The following KCNK10 variants were observed in gnomAD, a reference collection of about 807,000 sequenced individuals.
KCNK10 encodes the protein potassium two pore domain channel subfamily K member 10, also known as potassium channel subfamily K member 10.
In KCNK10, 25 loss-of-function variants were observed where a neutral mutation model predicts 47.7. The ratio of observed to expected loss-of-function variants is 0.52; its 90% CI spans 0.38 to 0.73. KCNK10 has a LOEUF of 0.73. KCNK10 is among the 30% of genes least tolerant of loss of function. KCNK10 has a pLI of 0.00. For synonymous variants in KCNK10, 303 were observed against 285.6 expected (o/e 1.06, Z -0.61); for missense variants, 563 against 714.5 (o/e 0.79, Z 2.42).
intron 1 of KCNK10, among the ~76,000 whole-genome samples, chr14:88,269,965 G>C (rs1187736610): frequency 6.6e-6 from 1 of 152,148 alleles, no homozygotes; most frequent in Non-Finnish European, 1.5e-5. Flanking sequence ...GAGTCTCTTG[G>C]AAACCTGAAA....
intron 1 of KCNK10, among the ~76,000 whole-genome samples, chr14:88,283,230 T>G (rs1887688575): frequency 6.6e-6 from 1 of 152,200 alleles, no homozygotes; most frequent in Non-Finnish European, 1.5e-5. Context: ...CTGGGACACA[T>G]TTATGTAAAA....
intron 4 of KCNK10, among the ~76,000 whole-genome samples, chr14:88,198,034 A>G (rs1167513609): frequency 6.6e-6 from 1 of 152,226 alleles, no homozygotes; most frequent in Admixed American, 6.5e-5. Flanking sequence ...AAAGCTTAGT[A>G]CCTAATGACA....
At chr14:88,272,414 G>C (rs561757104) in intron 1 of KCNK10, among the ~76,000 whole-genome samples, 30 of 152,220 alleles carry the variant, frequency 2.0e-4, no homozygotes, top group Non-Finnish European at 3.8e-4. Context: ...GGTGCCCACT[G>C]GTGTGGAAAG....
At chr14:88,273,495 A>T (rs574228940) in intron 1 of KCNK10, among the ~76,000 whole-genome samples, 2 of 152,300 alleles carry the variant, frequency 1.3e-5, no homozygotes, top group Admixed American at 1.3e-4. Context: ...AGCAGGTGGG[A>T]TGCCTTTATT....
chr14:88,253,133 A>G (rs1333862654), intron 2 of KCNK10, among the ~76,000 whole-genome samples: 1 of 152,190 alleles, frequency 6.6e-6, no homozygotes, highest in Non-Finnish European at 1.5e-5. Flanking sequence ...GAGAGAGGCA[A>G]ATGAAGCTAA....
chr14:88,249,510 C>T (rs1886735181), intron 2 of KCNK10, among the ~76,000 whole-genome samples: 2 of 152,156 alleles, frequency 1.3e-5, no homozygotes, highest in South Asian at 4.2e-4. Flanking sequence ...TGACTAAGGA[C>T]CTGAGTGCTT....
chr14:88,214,075 G>A (rs1223171737), intron 4 of KCNK10, among the ~76,000 whole-genome samples: 1 of 151,962 alleles, frequency 6.6e-6, no homozygotes, highest in African/African-American at 2.4e-5. Flanking sequence ...AAGTAGCTGG[G>A]ATTACAGGCA....
At chr14:88,287,779 T>C (rs1310381852) in intron 1 of KCNK10, among the ~76,000 whole-genome samples, 1 of 152,004 alleles carries the variant, frequency 6.6e-6, no homozygotes, top group Admixed American at 6.6e-5. Flanking sequence ...TGGTTCCATA[T>C]TTTTGCAATT....
At position 88,185,785 on chromosome 14, in the gene KCNK10, C is replaced by T. The variant is rs1256692147; in HGVS notation, c.1382G>A (p.Arg461Lys). The T allele has an allele frequency of 1.5e-5, 24 of 1,614,100 alleles. No individual in the cohort carries two copies. Among genetic ancestry groups the T allele is most frequent in the Non-Finnish European group, 1.8e-5 (21 of 1,180,016 alleles). The change falls in exon 7 of 7, where the codon AGG (arginine) becomes AAG (lysine). Residue 461 changes from arginine (R) to lysine (K), a missense_variant. By Grantham distance (26) the Arg-to-Lys change is conservative (BLOSUM62 2). Coordinates refer to ENST00000319231, the MANE Select transcript of KCNK10 (RefSeq NM_138317.3). The surrounding 1 kb of genome is among the most constrained non-coding windows in gnomAD (Gnocchi z 4.3). ...GGTCTTTTTGAGGTCCTTGTTTTTC[C>T]TCTTGGTGAGTCTGGAGGTGGACCC... Reference protein sequence around the residue: ...KFGSTSRLTKRKNKDLKKTLP... With the variant: ...KFGSTSRLTKKKNKDLKKTLP...
intron 2 of KCNK10, among the ~76,000 whole-genome samples, chr14:88,250,277 C>A (rs1295734777): frequency 6.6e-6 from 1 of 152,170 alleles, no homozygotes; most frequent in Non-Finnish European, 1.5e-5. Flanking sequence ...ATAATAATGA[C>A]TCGGAGGCCT....
At chr14:88,238,916 G>A (rs1478150136) in intron 3 of KCNK10, among the ~76,000 whole-genome samples, 1 of 152,046 alleles carries the variant, frequency 6.6e-6, no homozygotes, top group Non-Finnish European at 1.5e-5. Flanking sequence ...CAGGGATCTG[G>A]GATGCCTGAA....
At chr14:88,323,412 G>A (rs1437301196), upstream of KCNK10, among the ~76,000 whole-genome samples, 3 of 147,038 alleles carry the variant, frequency 2.0e-5, no homozygotes, top group African/African-American at 7.4e-5. Flanking sequence ...CGGGCAGCGC[G>A]CGGCGAGGGC....
At position 88,232,448 on chromosome 14, in the gene KCNK10, C is replaced by A. The variant is rs546589367; in HGVS notation, c.521-4913G>T. Among the ~76,000 whole-genome samples, 194 of 152,194 alleles carry A rather than the reference C, an allele frequency of 1.3e-3. 1 individual carries two copies. Among genetic ancestry groups the A allele is most frequent in the African/African-American group, 4.6e-3 (191 of 41,532 alleles). The stretch of plus-strand genomic sequence containing the variant: ...GCTCTGAGTTTTCTTATAAACCTTG[C>A]GACCACATGCAACAAATGAATTTAC... On this transcript the variant is annotated intron_variant, in intron 3 of 6. Coordinates refer to ENST00000319231, the MANE Select transcript of KCNK10 (RefSeq NM_138317.3).
At chr14:88,320,988 T>A (rs1462843839) in intron 1 of KCNK10, among the ~76,000 whole-genome samples, 1 of 152,188 alleles carries the variant, frequency 6.6e-6, no homozygotes, top group African/African-American at 2.4e-5. Flanking sequence ...TAAATACATT[T>A]TTCAGGGATT....
chr14:88,235,331 A>G (rs1251723942), intron 3 of KCNK10: 1 of 429,680 alleles, frequency 2.3e-6, no homozygotes, highest in African/African-American at 2.1e-5. Context: ...TAAAACTTCC[A>G]TAAGAAAAAA....
chr14:88,218,397 C>A (rs1478887857), intron 4 of KCNK10, among the ~76,000 whole-genome samples: 1 of 152,182 alleles, frequency 6.6e-6, no homozygotes, highest in Non-Finnish European at 1.5e-5. Context: ...AGATTGTCAT[C>A]ACTTCCATCT....
Position 88,320,262 on chromosome 14 carries a change from A to G in KCNK10, c.52+2485T>C, listed in dbSNP as rs547436845. 4.6e-5 allele frequency among the ~76,000 whole-genome samples: 7 copies of G among 152,334 alleles called. No homozygotes were observed. In the South Asian group the frequency reaches 1.4e-3, roughly 32 times the overall value. On this transcript the variant is annotated intron_variant, in intron 1 of 6. Coordinates refer to ENST00000319231, the MANE Select transcript of KCNK10 (RefSeq NM_138317.3). The stretch of plus-strand genomic sequence containing the variant: ...TTGCTCATTAAATGTTGTTATTTTT[A>G]TTGAGGTTTTTTTCATTTTTAGCAC...
rs1419672124 is a variant in KCNK10, at chr14:88,322,359, G to A, written c.52+388C>T. On this transcript the variant is annotated intron_variant, in intron 1 of 6. Transcript: ENST00000319231. This position sits in a 1 kb window ranked among gnomAD's most constrained non-coding sequence, Gnocchi z 4.8. ...TGCGGCGCAGCTCCAGGTCCAGGGG[G>A]AAGCACCCCACCCATCTGCCAGAGA... Among the ~76,000 whole-genome samples the A allele has an allele frequency of 6.6e-6, 1 of 151,954 alleles. No homozygotes were observed. Among genetic ancestry groups the A allele is most frequent in the Non-Finnish European group, 1.5e-5 (1 of 68,006 alleles).
intron 1 of KCNK10, among the ~76,000 whole-genome samples, chr14:88,312,206 A>G (rs930745189): frequency 2.0e-5 from 3 of 152,228 alleles, no homozygotes; most frequent in African/African-American, 7.2e-5. Flanking sequence ...CTGCCTCAGG[A>G]ATAAGCCAGG....
Sources: allele counts gnomAD v4.1 joint callset (sites outside exome capture counted in the v4.1 genomes callset), GRCh38; gene constraint gnomAD v4.1.1; non-coding constraint Gnocchi (gnomAD v3.1); transcripts MANE v1.5; gene names NCBI Gene and HGNC (gene_info 2026-07-23, HGNC 2026-07-21).